The following GRIA1 variants were observed in gnomAD, a reference collection of about 807,000 sequenced individuals.
The protein encoded by GRIA1 is glutamate ionotropic receptor AMPA type subunit 1.
Under a neutral mutation model 99.2 loss-of-function variants are expected in GRIA1, and 31 were observed. The ratio of observed to expected loss-of-function variants is 0.31; its 90% CI spans 0.23 to 0.42. The LOEUF (loss-of-function observed/expected upper bound fraction) is 0.42. Among genes scored for constraint, GRIA1 ranks in the 10% least tolerant of loss-of-function variants. The pLI, the probability that GRIA1 is intolerant of heterozygous loss-of-function variation, is 1.00. For synonymous variants in GRIA1, 438 were observed against 432.4 expected, an observed-to-expected ratio of 1.01 and a Z score of -0.16; for missense variants, 782 against 1,157.5, an observed-to-expected ratio of 0.68 and a Z score of 4.71.
intron 13 of GRIA1, among the ~76,000 whole-genome samples, chr5:153,781,960 A>T (rs1242025016): frequency 1.3e-5 from 2 of 152,178 alleles, no homozygotes; most frequent in African/African-American, 4.8e-5. Context: ...AAGACGAGTA[A>T]AATGGGCCAG....
intron 2 of GRIA1, among the ~76,000 whole-genome samples, chr5:153,607,880 G>A (rs1333196144): frequency 2.6e-5 from 4 of 151,618 alleles, no homozygotes; most frequent in Non-Finnish European, 2.9e-5. Flanking sequence ...TATTCTATTT[G>A]TTATCTCAAA....
chr5:153,776,403 CG>C (rs1313872581), intron 13 of GRIA1, among the ~76,000 whole-genome samples: 1 of 152,108 alleles, frequency 6.6e-6, no homozygotes, highest in Non-Finnish European at 1.5e-5. Flanking sequence ...TGGAAAAATA[CG>C]GGATTTACCT....
At chr5:153,715,084 C>G (rs1759574611) in intron 11 of GRIA1, among the ~76,000 whole-genome samples, 1 of 152,216 alleles carries the variant, frequency 6.6e-6, no homozygotes, top group African/African-American at 2.4e-5. Context: ...AGCTCAATCT[C>G]AGCTACTACT....
At chr5:153,771,942 T>C (rs1763909964) in intron 13 of GRIA1, among the ~76,000 whole-genome samples, 1 of 151,548 alleles carries the variant, frequency 6.6e-6, no homozygotes, top group South Asian at 2.1e-4. Context: ...CACAGAAAGA[T>C]GAAAAGAAAA....
At chr5:153,791,290 A>G (rs546908930) in intron 13 of GRIA1, among the ~76,000 whole-genome samples, 60 of 151,458 alleles carry the variant, frequency 4.0e-4, no homozygotes, top group African/African-American at 1.4e-3. Context: ...AAAAAAAATT[A>G]ATAGAAAAGA....
At chr5:153,590,826 T>TTAGGA (rs1329615648) in intron 2 of GRIA1, among the ~76,000 whole-genome samples, 8 of 152,216 alleles carry the variant, frequency 5.3e-5, no homozygotes, top group Non-Finnish European at 8.8e-5. Flanking sequence ...CTATAAATGT[T>TTAGGA]TGTTCTTGTT....
Position 153,698,102 on chromosome 5 carries a change from G to T in GRIA1, c.1193G>T (p.Gly398Val). 1 of 1,611,684 alleles carries T rather than the reference G, an allele frequency of 6.2e-7. No homozygotes were observed. The highest frequency in any genetic ancestry group is 8.5e-7 in the Non-Finnish European group (1 of 1,177,866). ...CCTGCAGCCACCGATGCCCAAGCTGGGGGCGATAATTCAAGTGTTCAGAAC... is the reference window on the plus strand; with the variant it reads ...CCTGCAGCCACCGATGCCCAAGCTGTGGGCGATAATTCAAGTGTTCAGAAC... ...FVPAATDAQA[G>V]GDNSSVQNRT... The change falls in exon 9 of 16, where the codon GGG becomes GTG. Residue 398 changes from glycine to valine, a missense_variant. This residue lies in a region of GRIA1 where 461 missense variants were observed against 521.7 expected (regional missense o/e 0.88). Transcript: ENST00000285900.
intron 2 of GRIA1, among the ~76,000 whole-genome samples, chr5:153,530,638 TA>T (rs1202925049): frequency 6.6e-6 from 1 of 152,212 alleles, no homozygotes. Context: ...CCACATGGAA[TA>T]AAAAACAATT....
chr5:153,516,660 C>A (rs1457238803), intron 2 of GRIA1, among the ~76,000 whole-genome samples: 1 of 152,094 alleles, frequency 6.6e-6, no homozygotes, highest in Non-Finnish European at 1.5e-5. Flanking sequence ...GCTGGAGCAC[C>A]TGTTGGCTGG....
chr5:153,599,733 C>T (rs1409447464), intron 2 of GRIA1, among the ~76,000 whole-genome samples: 1 of 152,060 alleles, frequency 6.6e-6, no homozygotes, highest in Non-Finnish European at 1.5e-5. Context: ...GCAAGCCCGC[C>T]AGTGAGTTTG....
intron 11 of GRIA1, among the ~76,000 whole-genome samples, chr5:153,731,813 A>G (rs1000410929): frequency 6.6e-6 from 1 of 152,088 alleles, no homozygotes; most frequent in Admixed American, 6.6e-5. Context: ...ATTATTATTC[A>G]CTATAGTTTC....
At chr5:153,745,589 C>CAAAAA (rs58166158) in intron 11 of GRIA1, among the ~76,000 whole-genome samples, 313 of 100,162 alleles carry the variant, frequency 3.1e-3, no homozygotes, top group Non-Finnish European at 4.5e-3. Context: ...AACTCTGTCT[C>CAAAAA]AAAAAAAAAA....
Position 153,555,139 on chromosome 5 carries a change from ATAGAG to A in GRIA1, c.220+61077_220+61081del, listed in dbSNP as rs543991695. Reference sequence around the variant, plus strand: ...TGTACATGTCACAGGAGGATATGAAATAGAGTAAACACCTTTTTTATAGACTTTAG... The same window carrying A: ...TGTACATGTCACAGGAGGATATGAAATAAACACCTTTTTTATAGACTTTAG... On this transcript the variant is annotated intron_variant, in intron 2 of 15. Transcript: ENST00000285900. 9.5e-3 allele frequency among the ~76,000 whole-genome samples: 1,441 copies of A among 152,166 alleles called. 26 individuals carry two copies. Among genetic ancestry groups the A allele is most frequent in the African/African-American group, 0.033 (1,358 of 41,482 alleles).
chr5:153,584,583 T>C (rs1763313337), intron 2 of GRIA1, among the ~76,000 whole-genome samples: 1 of 152,308 alleles, frequency 6.6e-6, no homozygotes, highest in South Asian at 2.1e-4. Flanking sequence ...GTTGCCCAAA[T>C]GATAGAGCTC....
chr5:153,577,042 GTGGATGGATGGATGGATGGA>G (rs201687983), intron 2 of GRIA1, among the ~76,000 whole-genome samples: 1 of 104,204 alleles, frequency 9.6e-6, no homozygotes, highest in Non-Finnish European at 2.0e-5. Context: ...AGATGAATGG[GTGGATGGATGGATGGATGGA>G]TGGATGGATG....
intron 15 of GRIA1, among the ~76,000 whole-genome samples, chr5:153,808,458 A>T (rs966173869): frequency 6.6e-6 from 1 of 152,178 alleles, no homozygotes; most frequent in Non-Finnish European, 1.5e-5. Flanking sequence ...GGTCACATAT[A>T]ACTGTTACCT....
chr5:153,713,877 T>A (rs116738472), intron 11 of GRIA1, among the ~76,000 whole-genome samples: 6,601 of 152,300 alleles, frequency 0.043, 156 homozygotes, highest in Middle Eastern at 0.11. Flanking sequence ...TTAGCAACTG[T>A]TATTTAACAA....
At position 153,812,656 on chromosome 5, in the gene GRIA1, G is replaced by T. The variant is rs1053712049; in HGVS notation, c.*1431G>T. 2.6e-5 allele frequency: 4 copies of T among 152,150 alleles called. No individual in the cohort carries two copies. The highest frequency in any genetic ancestry group is 9.7e-5 in the African/African-American group (4 of 41,436). The allele number at this position is 152,150 out of a possible 1,614,324, so 9.4% of individuals were successfully genotyped here. A position where few individuals can be genotyped will look rare whatever the true frequency, so the allele number is the denominator to read the frequency against. On this transcript the variant is annotated 3_prime_UTR_variant, in exon 16 of 16. Transcript: ENST00000285900. ...ATGAGGACGTTGTATTCCAATATAC[G>T]TATGATTGGGGCTACAAAGCTGAAC... is the stretch of plus-strand genomic sequence containing the variant.
chr5:153,802,504 C>G lies in GRIA1; in HGVS notation c.2520+14C>G, dbSNP rs1455810871. ...AAGCGGATGAAGGTGGCATCGTCTT[C>G]CCGGGCCTTTTTCCTAACCTGTTCT... is the stretch of plus-strand genomic sequence containing the variant. On this transcript the variant is annotated intron_variant, in intron 15 of 15. Coordinates refer to ENST00000285900, the MANE Select transcript of GRIA1 (RefSeq NM_000827.4). 6.2e-7 allele frequency: 1 copy of G among 1,613,848 alleles called. No homozygotes were observed. The highest frequency in any genetic ancestry group is 1.7e-5 in the Admixed American group (1 of 60,008).
Sources: gnomAD v4.1 joint callset for allele counts (sites outside exome capture counted in the v4.1 genomes callset) on GRCh38, gnomAD v4.1.1 for gene constraint, gnomAD v4.1.1 regional missense constraint, MANE v1.5 for transcripts, NCBI Gene and HGNC (gene_info 2026-07-23, HGNC 2026-07-21) for gene names.